Variants in RARB observed in about 807,000 individuals in gnomAD.
The protein encoded by RARB is HBV-activated protein.
Under a neutral mutation model 51.9 loss-of-function variants are expected in RARB, and 17 were observed. The ratio of observed to expected loss-of-function variants is 0.33; its 90% CI spans 0.22 to 0.49. The LOEUF (loss-of-function observed/expected upper bound fraction) is 0.49, where lower values mean the gene tolerates loss of function less well. RARB is among the 20% of genes least tolerant of loss of function. RARB has a pLI of 0.99. For missense variants in RARB, 369 were observed against 550.8 expected (o/e 0.67, Z 3.30); for synonymous variants, 215 against 195.4 (o/e 1.10, Z -0.84).
chr3:25,557,961 A>G (rs1700128170), intron 3 of RARB, among the ~76,000 whole-genome samples: 1 of 152,164 alleles, frequency 6.6e-6, no homozygotes, highest in South Asian at 2.1e-4. Flanking sequence ...GCCTTTGGTT[A>G]GCTCAAGTCT....
At chr3:24,843,770 C>T (rs143448889) in intron 1 of RARB, among the ~76,000 whole-genome samples, 4 of 152,120 alleles carry the variant, frequency 2.6e-5, no homozygotes, top group South Asian at 2.1e-4. Context: ...CCAGGTAATT[C>T]GTGTGCACAG....
intron 2 of RARB, among the ~76,000 whole-genome samples, chr3:25,021,564 G>T (rs1697636790): frequency 6.6e-6 from 1 of 151,924 alleles, no homozygotes; most frequent in Non-Finnish European, 1.5e-5. Flanking sequence ...ACTTAGTAAT[G>T]GGCTTATATA....
chr3:25,552,765 G>A (rs972709441), intron 3 of RARB, among the ~76,000 whole-genome samples: 3 of 152,042 alleles, frequency 2.0e-5, no homozygotes, highest in Non-Finnish European at 2.9e-5. Context: ...AATATTCAAT[G>A]TCTAGGGTTT....
chr3:25,099,997 G>A (rs756276262), intron 3 of RARB, among the ~76,000 whole-genome samples: 6 of 152,100 alleles, frequency 3.9e-5, no homozygotes, highest in African/African-American at 1.2e-4. Context: ...CACTTGGCCC[G>A]TTTTCTACTA....
intron 5 of RARB, among the ~76,000 whole-genome samples, chr3:25,297,746 C>CA (rs1189897261): frequency 6.6e-6 from 1 of 152,074 alleles, no homozygotes; most frequent in African/African-American, 2.4e-5. Flanking sequence ...TAGTCTCATG[C>CA]ATGGGACTAA....
chr3:24,915,120 G>T (rs527624819), intron 2 of RARB, among the ~76,000 whole-genome samples: 20 of 152,296 alleles, frequency 1.3e-4, no homozygotes, highest in Admixed American at 9.8e-4. Flanking sequence ...TGAAGAACTA[G>T]TCCTGTTGGT....
intron 3 of RARB, among the ~76,000 whole-genome samples, chr3:25,524,609 C>G (rs199681170): frequency 6.6e-6 from 1 of 150,448 alleles, no homozygotes; most frequent in Non-Finnish European, 1.5e-5. Flanking sequence ...TCTCTTCCCC[C>G]CTCCCTTCCT....
chr3:25,377,917 A>G (rs1007335694), intron 5 of RARB, among the ~76,000 whole-genome samples: 29 of 152,200 alleles, frequency 1.9e-4, no homozygotes, highest in African/African-American at 6.5e-4. Flanking sequence ...AGAGTCTCAT[A>G]TTATTCCCAT....
rs187338068 is a variant in RARB, at chr3:25,312,574, G to A, written c.178+137999G>A. 1.6e-4 allele frequency among the ~76,000 whole-genome samples: 24 copies of A among 152,308 alleles called. No homozygotes were observed. In the East Asian group the frequency reaches 3.9e-3, roughly 24 times the overall value. ...GGTATAGTAATGTAATTTAGTGAGTGAGAGCTCACTCTGGAGCAGACATTG... is the reference window on the plus strand; with the variant it reads ...GGTATAGTAATGTAATTTAGTGAGTAAGAGCTCACTCTGGAGCAGACATTG... On this transcript the variant is annotated intron_variant, in intron 5 of 11. Coordinates refer to the RARB transcript ENST00000383772.
At chr3:25,441,166 T>A in intron 1 of RARB, 1 of 201,196 alleles carries the variant, frequency 5.0e-6, no homozygotes, top group Non-Finnish European at 1.0e-5. Context: ...AGTGTGCTGA[T>A]GTCTTCTGGC....
At chr3:24,857,620 C>T (rs924477091) in intron 1 of RARB, among the ~76,000 whole-genome samples, 19 of 152,150 alleles carry the variant, frequency 1.2e-4, no homozygotes, top group African/African-American at 3.1e-4. Context: ...TCCTCTTTAA[C>T]TAATGCTGTT....
intron 2 of RARB, among the ~76,000 whole-genome samples, chr3:24,868,107 C>T (rs1350997051): frequency 6.6e-6 from 1 of 152,098 alleles, no homozygotes; most frequent in East Asian, 1.9e-4. Context: ...CAATAATTTT[C>T]CTGGGGCTGT....
chr3:25,096,851 C>A (rs1160058884), intron 3 of RARB, among the ~76,000 whole-genome samples: 1 of 152,176 alleles, frequency 6.6e-6, no homozygotes, highest in African/African-American at 2.4e-5. Context: ...AAGAAAGTGG[C>A]TAGCAACTAC....
At chr3:24,855,203 G>A (rs1458764578) in intron 1 of RARB, among the ~76,000 whole-genome samples, 1 of 152,146 alleles carries the variant, frequency 6.6e-6, no homozygotes, top group Non-Finnish European at 1.5e-5. Context: ...GTCATAGAAG[G>A]TCTCACTGAG....
At chr3:25,257,421 A>T (rs1271583390) in intron 5 of RARB, among the ~76,000 whole-genome samples, 1 of 152,038 alleles carries the variant, frequency 6.6e-6, no homozygotes, top group Non-Finnish European at 1.5e-5. Flanking sequence ...AGATGTAATA[A>T]TTGTCTTCAG....
chr3:25,314,029 C>T (rs1397996002), intron 5 of RARB, among the ~76,000 whole-genome samples: 1 of 152,022 alleles, frequency 6.6e-6, no homozygotes, highest in Non-Finnish European at 1.5e-5. Flanking sequence ...TATGATCACA[C>T]CACTGCACTC....
At chr3:25,464,244 A>G (rs1695325743) in intron 2 of RARB, among the ~76,000 whole-genome samples, 1 of 152,188 alleles carries the variant, frequency 6.6e-6, no homozygotes, top group Non-Finnish European at 1.5e-5. Context: ...TAGGAGCTGC[A>G]TATGAAGCTG....
At chr3:25,210,390 C>A (rs1006546271) in intron 5 of RARB, among the ~76,000 whole-genome samples, 21 of 152,008 alleles carry the variant, frequency 1.4e-4, no homozygotes, top group African/African-American at 5.1e-4. Flanking sequence ...TGTATGCAGC[C>A]TACTTGAGTG....
intron 5 of RARB, among the ~76,000 whole-genome samples, chr3:25,330,775 C>T (rs867867958): frequency 2.0e-4 from 31 of 152,140 alleles, no homozygotes; most frequent in East Asian, 7.7e-4. Flanking sequence ...ACCCATCTCA[C>T]GTGCAGAGAC....
Sources: gnomAD v4.1 joint callset for allele counts (sites outside exome capture counted in the v4.1 genomes callset) on GRCh38, gnomAD v4.1.1 for gene constraint, MANE v1.5 for transcripts, NCBI Gene and HGNC (gene_info 2026-07-23, HGNC 2026-07-21) for gene names.